TBC1D2B: variants seen among roughly 807,000 people sequenced by gnomAD.
The protein encoded by TBC1D2B is TBC1 domain family, member 2B.
TBC1D2B carries 64 observed loss-of-function variants against 100.8 expected under a neutral mutation model. The ratio of observed to expected loss-of-function variants is 0.64; its 90% CI spans 0.52 to 0.78. The LOEUF (loss-of-function observed/expected upper bound fraction) is 0.78, where lower values mean the gene tolerates loss of function less well. TBC1D2B is among the 30% of genes least tolerant of loss of function. The pLI is 0.00. For synonymous variants in TBC1D2B, 480 were observed against 479.7 expected, an observed-to-expected ratio of 1.00 and a Z score of -0.01; for missense variants, 1,052 against 1,218.4, an observed-to-expected ratio of 0.86 and a Z score of 2.03.
At chr15:78,066,739 G>T (rs1048722376) in intron 1 of TBC1D2B, among the ~76,000 whole-genome samples, 1 of 152,158 alleles carries the variant, frequency 6.6e-6, no homozygotes, top group African/African-American at 2.4e-5. Flanking sequence ...AAGGCCAGAG[G>T]GTATGCCTTA....
Position 78,013,223 on chromosome 15 carries a change from A to T in TBC1D2B, c.1870T>A (p.Tyr624Asn). Residue 624 changes from tyrosine (Y) to asparagine (N), a missense_variant, in exon 9 of 13, where the codon TAC (tyrosine) becomes AAC (asparagine). Tyr to Asn is a moderately radical substitution (Grantham distance 143). Around this residue, in one of 4 missense-constraint regions of TBC1D2B, gnomAD observed 373 missense variants for 464.9 expected, o/e 0.80. Transcript: ENST00000300584. ...KVRALDLKTL[Y>N]LTENQEVSTG... ...GAGACTTCCTGGTTTTCTGTGAGGT[A>T]GAGAGTCTTCAGATCCAACGCGCGG... 6.2e-7 allele frequency: 1 copy of T among 1,614,044 alleles called. No homozygotes were observed.
chr15:78,002,539 A>G, intron 11 of TBC1D2B: 1 of 148,198 alleles, frequency 6.7e-6, no homozygotes, highest in Non-Finnish European at 1.5e-5. Context: ...GAGGGAATGG[A>G]CTCCTGGTAG....
chr15:78,044,024 T>TA (rs34859851), intron 3 of TBC1D2B, among the ~76,000 whole-genome samples: 70,735 of 136,576 alleles, frequency 0.52, 18,521 homozygotes, highest in East Asian at 0.64. Context: ...GACCTTATCT[T>TA]AAAAAAAAAA....
At chr15:78,051,062 G>A (rs2073303520) in intron 2 of TBC1D2B, among the ~76,000 whole-genome samples, 1 of 152,194 alleles carries the variant, frequency 6.6e-6, no homozygotes, top group African/African-American at 2.4e-5. Context: ...GAGCAGGAAA[G>A]CTAATACACT....
intron 1 of TBC1D2B, among the ~76,000 whole-genome samples, chr15:78,064,122 T>C (rs1162286735): frequency 6.6e-6 from 1 of 152,134 alleles, no homozygotes; most frequent in Non-Finnish European, 1.5e-5. Context: ...CACAAAAGCC[T>C]TCACAATCTC....
At chr15:78,054,264 T>G in intron 1 of TBC1D2B, 77 bp from the exon 2 acceptor site, 1 of 1,390,842 alleles carries the variant, frequency 7.2e-7, no homozygotes, top group Non-Finnish European at 9.6e-7. Context: ...GTCTCATGAG[T>G]AGACTGTTCA....
At chr15:78,057,117 C>A (rs1232172196) in intron 1 of TBC1D2B, among the ~76,000 whole-genome samples, 1 of 152,188 alleles carries the variant, frequency 6.6e-6, no homozygotes, top group East Asian at 1.9e-4. Flanking sequence ...CTGCTTTTTA[C>A]AAGAAATCCT....
chr15:78,063,379 T>C (rs1374835679), intron 1 of TBC1D2B, among the ~76,000 whole-genome samples: 2 of 152,242 alleles, frequency 1.3e-5, no homozygotes, highest in African/African-American at 4.8e-5. Context: ...TGAGAGAGCA[T>C]GTCCAAGACA....
chr15:78,000,914 AGAGCCCTCTAACAGCC>A, intron 12 of TBC1D2B, among the ~76,000 whole-genome samples: 1 of 152,096 alleles, frequency 6.6e-6, no homozygotes, highest in South Asian at 2.1e-4. Flanking sequence ...CTCTCCCCCT[AGAGCCCTCTAACAGCC>A]ACCAGTCCTG....
At chr15:78,055,168 G>T (rs1251899185) in intron 1 of TBC1D2B, among the ~76,000 whole-genome samples, 1 of 152,170 alleles carries the variant, frequency 6.6e-6, no homozygotes, top group Non-Finnish European at 1.5e-5. Context: ...GGGCTTGGCA[G>T]GGAGGGGAGC....
chr15:78,003,644 A>G, intron 10 of TBC1D2B, 154 bp from the exon 11 acceptor site: 1 of 598,260 alleles, frequency 1.7e-6, no homozygotes, highest in Non-Finnish European at 3.0e-6. Flanking sequence ...ACGGAGCCAG[A>G]CTACTATGTT....
At chr15:78,000,564 G>A (rs1318014215) in intron 12 of TBC1D2B, among the ~76,000 whole-genome samples, 1 of 152,230 alleles carries the variant, frequency 6.6e-6, no homozygotes, top group African/African-American at 2.4e-5. Flanking sequence ...ACTGTTGTTG[G>A]TGCTATTAGT....
rs895596028 is a variant in TBC1D2B, at chr15:78,003,368, C to T, written c.2511G>A (p.Val837=). ...ITFNWFLVVF[V]DSVVSDILFK... is the part of the protein sequence containing the mutation. ...AGAGGATGTCACTAACGACACTATC[C>T]ACAAATACCACCAGAAACCAGTTGA... Residue 837 remains valine, a synonymous_variant, in exon 11 of 13, where the codon GTG becomes GTA. Transcript: ENST00000300584. 6 of 1,613,870 alleles carry T rather than the reference C, an allele frequency of 3.7e-6. No homozygotes were observed. The highest frequency in any genetic ancestry group is 4.2e-6 in the Non-Finnish European group (5 of 1,179,868).
chr15:78,066,722 C>T (rs1166152977), intron 1 of TBC1D2B, among the ~76,000 whole-genome samples: 1 of 152,236 alleles, frequency 6.6e-6, no homozygotes, highest in Non-Finnish European at 1.5e-5. Flanking sequence ...AAAAGTGGTT[C>T]ACTTCTAAGG....
At chr15:78,046,817 C>A (rs1341370284) in intron 2 of TBC1D2B, among the ~76,000 whole-genome samples, 1 of 152,134 alleles carries the variant, frequency 6.6e-6, no homozygotes, top group Non-Finnish European at 1.5e-5. Flanking sequence ...TCAGAGTCAG[C>A]AAGAACAGGT....
rs765837023 is a variant in TBC1D2B, at chr15:78,012,947, G to A, written c.2146C>T (p.Arg716Ter). 1.3e-6 allele frequency: 2 copies of A among 1,564,556 alleles called. No homozygotes were observed. Among genetic ancestry groups the A allele is most frequent in the East Asian group, 2.3e-5 (1 of 44,254 alleles). Residue 716 changes from arginine to a stop codon, truncating the protein, a stop_gained, in exon 9 of 13, where the codon CGA (arginine) becomes TGA (stop). Transcript: ENST00000300584. LOFTEE classifies it high-confidence loss of function. ...ASKQIELDLL[R>*]TLPNNKHYSC... Reference sequence around the variant, plus strand: ...TAATGTTTGTTGTTGGGCAGAGTTCGCAGCAAGTCCAGCTCAATCTGCTTG... The same window carrying A: ...TAATGTTTGTTGTTGGGCAGAGTTCACAGCAAGTCCAGCTCAATCTGCTTG...
At chr15:78,016,846 G>T in intron 7 of TBC1D2B, 107 bp from the exon 8 acceptor site, 1 of 866,602 alleles carries the variant, frequency 1.2e-6, no homozygotes, top group Non-Finnish European at 1.7e-6. Context: ...ATTAGGAAGT[G>T]AGCCAGAGAC....
chr15:78,012,306 G>T (rs750344571), intron 9 of TBC1D2B, among the ~76,000 whole-genome samples: 4 of 152,190 alleles, frequency 2.6e-5, no homozygotes, highest in Non-Finnish European at 5.9e-5. Context: ...GAAAACATGA[G>T]AGGCTTTTCG....
At chr15:78,014,534 T>C (rs1203682725) in intron 8 of TBC1D2B, among the ~76,000 whole-genome samples, 1 of 152,158 alleles carries the variant, frequency 6.6e-6, no homozygotes, top group East Asian at 1.9e-4. Flanking sequence ...AGAACCTAAA[T>C]GTCCTCCATG....
Sources: allele counts gnomAD v4.1 joint callset (sites outside exome capture counted in the v4.1 genomes callset), GRCh38; gene constraint gnomAD v4.1.1; regional missense constraint gnomAD v4.1.1; transcripts MANE v1.5; gene names NCBI Gene and HGNC (gene_info 2026-07-23, HGNC 2026-07-21).